The following DACH2 variants were observed in gnomAD, a reference collection of about 807,000 sequenced individuals.
DACH2 encodes the protein dachshund family transcription factor 2.
In DACH2, 17 loss-of-function variants were observed where a neutral mutation model predicts 35.8. The observed-to-expected ratio is 0.48, with a 90% confidence interval of 0.33 to 0.71. The LOEUF (loss-of-function observed/expected upper bound fraction) is 0.71. DACH2 is among the 30% of genes least tolerant of loss of function. The pLI is 0.02. For synonymous variants in DACH2, 195 were observed against 177.3 expected (o/e 1.10, Z -0.79); for missense variants, 469 against 472.7 (o/e 0.99, Z 0.07).
intron 1 of DACH2, among the ~76,000 whole-genome samples, chrX:86,298,237 A>C (rs1175932790): frequency 8.9e-6 from 1 of 111,745 alleles, no homozygotes; most frequent in Non-Finnish European, 1.9e-5. Context: ...ATATTTCCAT[A>C]ATTCTCAGTA....
chrX:86,316,902 G>A (rs1249783249), intron 1 of DACH2, among the ~76,000 whole-genome samples: 3 of 110,450 alleles, frequency 2.7e-5, no homozygotes, highest in Non-Finnish European at 3.8e-5. Context: ...GGTGGATCGC[G>A]AGGTCAGAAG....
chrX:86,720,856 C>A (rs2041397739), intron 6 of DACH2, among the ~76,000 whole-genome samples: 1 of 112,701 alleles, frequency 8.9e-6, no homozygotes, highest in Non-Finnish European at 1.9e-5. Flanking sequence ...TGCTGGATAT[C>A]CAAAGGTTTC....
chrX:86,476,293 A>G lies in DACH2; in HGVS notation c.528-37986A>G, dbSNP rs144833406. Among the ~76,000 whole-genome samples the G allele has an allele frequency of 5.5e-3, 618 of 111,781 alleles. 5 individuals are homozygous for G. Among genetic ancestry groups the G allele is most frequent in the African/African-American group, 0.019 (596 of 30,855 alleles). The stretch of plus-strand genomic sequence containing the variant: ...TTTGGTAGAATTCAGCAGTGAAGCC[A>G]TCAGGTCCCTGGCTTTTTCTTCATT... On this transcript the variant is annotated intron_variant, in intron 2 of 11. Coordinates refer to ENST00000373125, the MANE Select transcript of DACH2 (RefSeq NM_053281.3).
At chrX:86,738,393 A>G (rs1176340220) in intron 6 of DACH2, among the ~76,000 whole-genome samples, 2 of 112,255 alleles carry the variant, frequency 1.8e-5, no homozygotes, top group African/African-American at 6.5e-5. Context: ...ATGCAAAATC[A>G]ATGTGGAAAT....
At chrX:86,668,425 C>G (rs1019945159) in intron 4 of DACH2, among the ~76,000 whole-genome samples, 1 of 112,215 alleles carries the variant, frequency 8.9e-6, no homozygotes, top group African/African-American at 3.2e-5. Context: ...TTTATAGTCT[C>G]TAAGTACAGA....
chrX:86,424,694 T>C (rs747930698), intron 2 of DACH2, among the ~76,000 whole-genome samples: 26 of 111,688 alleles, frequency 2.3e-4, no homozygotes, highest in Non-Finnish European at 4.3e-4. Context: ...ATGATTGCTC[T>C]AGCCAGGACT....
At chrX:86,591,727 G>A (rs1005799318) in intron 3 of DACH2, among the ~76,000 whole-genome samples, 2 of 109,701 alleles carry the variant, frequency 1.8e-5, no homozygotes, top group Admixed American at 2.0e-4. Flanking sequence ...TAGTAGAGAT[G>A]GAGTTTCACC....
chrX:86,674,328 C>A (rs2040803039), intron 4 of DACH2, among the ~76,000 whole-genome samples: 1 of 112,574 alleles, frequency 8.9e-6, no homozygotes. Context: ...TTAGAAGTCA[C>A]AATTCATTGG....
rs181036282 is a variant in DACH2 at position 86,725,087 on chromosome X, G to A, written c.1104+10367G>A. Among the ~76,000 whole-genome samples the A allele has an allele frequency of 1.5e-3, 157 of 106,572 alleles. 2 individuals are homozygous for A. Among genetic ancestry groups the A allele is most frequent in the African/African-American group, 5.1e-3 (149 of 29,366 alleles). The allele number at this position is 106,572 out of a possible 115,157, so 92.5% of individuals were successfully genotyped here. ...AAATTTCGCATTTATGTCCTGAATT[G>A]ATTCTCCAATTTATTTGCATTTGTT... On this transcript the variant is annotated intron_variant, in intron 6 of 11. Coordinates refer to ENST00000373125, the MANE Select transcript of DACH2 (RefSeq NM_053281.3).
intron 1 of DACH2, among the ~76,000 whole-genome samples, chrX:86,155,258 AT>A (rs763378926): frequency 9.1e-6 from 1 of 109,978 alleles, no homozygotes; most frequent in East Asian, 2.8e-4. Flanking sequence ...AGGATTTAAT[AT>A]TTTTTTTAGT....
intron 7 of DACH2, among the ~76,000 whole-genome samples, chrX:86,764,537 T>C (rs35501760): frequency 0.24 from 26,979 of 111,358 alleles, 3,139 homozygotes; most frequent in Middle Eastern, 0.39. Context: ...GCTCTATCCA[T>C]GTTGTTGCAA....
chrX:86,412,293 G>A (rs1028821298), intron 2 of DACH2, among the ~76,000 whole-genome samples: 3 of 111,275 alleles, frequency 2.7e-5, no homozygotes, highest in African/African-American at 9.8e-5. Context: ...GATCACTAGG[G>A]GTGATGGTGA....
intron 1 of DACH2, among the ~76,000 whole-genome samples, chrX:86,175,399 G>A (rs927379568): frequency 3.6e-5 from 4 of 111,493 alleles, no homozygotes; most frequent in African/African-American, 1.3e-4. Flanking sequence ...AAGTTTGAGT[G>A]GCATGTGTTT....
intron 3 of DACH2, among the ~76,000 whole-genome samples, chrX:86,549,891 A>G (rs2039025325): frequency 8.9e-6 from 1 of 111,849 alleles, no homozygotes; most frequent in Admixed American, 9.5e-5. Context: ...TTATTAGTCA[A>G]TCAATACTTA....
At chrX:86,800,968 C>T (rs192106983) in intron 7 of DACH2, among the ~76,000 whole-genome samples, 2 of 110,832 alleles carry the variant, frequency 1.8e-5, no homozygotes, top group East Asian at 2.8e-4. Flanking sequence ...CTGTGCCCGG[C>T]GCAACAGTTT....
At chrX:86,155,467 A>G (rs1423438460) in intron 1 of DACH2, among the ~76,000 whole-genome samples, 3 of 111,017 alleles carry the variant, frequency 2.7e-5, no homozygotes, top group African/African-American at 9.8e-5. Flanking sequence ...ACCAAAAGGA[A>G]CTTTGATATA....
intron 3 of DACH2, among the ~76,000 whole-genome samples, chrX:86,541,535 AG>A (rs1406024657): frequency 9.0e-6 from 1 of 111,570 alleles, no homozygotes; most frequent in African/African-American, 3.2e-5. Context: ...CTTTATGAAA[AG>A]ATAACCCAGG....
At chrX:86,317,917 G>A (rs1038112548) in intron 1 of DACH2, among the ~76,000 whole-genome samples, 1 of 109,799 alleles carries the variant, frequency 9.1e-6, no homozygotes, top group African/African-American at 3.3e-5. Flanking sequence ...TGTGAGGCCA[G>A]TTCCCCAAGG....
intron 1 of DACH2, among the ~76,000 whole-genome samples, chrX:86,296,380 C>CAAAAAAAAAAA: frequency 2.9e-5 from 2 of 68,443 alleles, no homozygotes; most frequent in Non-Finnish European, 5.9e-5. Flanking sequence ...GACTCCATCT[C>CAAAAAAAAAAA]AAAAAAAAAA....
Sources: gnomAD v4.1 joint callset for allele counts (sites outside exome capture counted in the v4.1 genomes callset) on GRCh38, gnomAD v4.1.1 for gene constraint, MANE v1.5 for transcripts, NCBI Gene and HGNC (gene_info 2026-07-23, HGNC 2026-07-21) for gene names.